The following ZNF648 variants were observed in gnomAD, a reference collection of about 807,000 sequenced individuals.
ZNF648 encodes the protein zinc finger protein 648.
A neutral mutation model predicts 0.3 loss-of-function variants in ZNF648; 1 was observed. The ratio of observed to expected loss-of-function variants is 3.90; its 90% confidence interval spans 1.39 to 18.51. The LOEUF (loss-of-function observed/expected upper bound fraction) is 18.51, where lower values mean the gene tolerates loss of function less well. Ranked by LOEUF, ZNF648 falls within the 30% of genes most tolerant of loss-of-function variation. The probability of loss-of-function intolerance (pLI) is 0.11; values close to 1 mark genes in which losing one functional copy is unlikely to be tolerated. For missense variants in ZNF648, 874 were observed against 769.7 expected (o/e 1.14, Z -1.60); for synonymous variants, 376 against 326.8 (o/e 1.15, Z -1.62).
At chr1:182,069,026 C>T in the ZNF648 span, 1 of 3,074 alleles carries the variant, frequency 3.3e-4, no homozygotes, top group Non-Finnish European at 9.1e-4. Context: ...AGGGGGCTCG[C>T]CACCGTCCAG....
chr1:182,065,663 C>A (rs1335397812), upstream of ZNF648, among the ~76,000 whole-genome samples: 1 of 152,140 alleles, frequency 6.6e-6, no homozygotes, highest in Non-Finnish European at 1.5e-5. Context: ...GTACACAAGC[C>A]CCTTATCTCC....
chr1:182,059,745 A>G (rs1157194165), intron 1 of ZNF648, among the ~76,000 whole-genome samples: 2 of 150,464 alleles, frequency 1.3e-5, no homozygotes, highest in East Asian at 3.9e-4. Context: ...CGGAGCTTGC[A>G]GTGAGCTGAG....
rs1665904560 is a variant in ZNF648, at chr1:182,056,307, C to T, written c.1704G>A (p.Glu568=). The change falls in exon 2 of 2, where the codon GAG becomes GAA. Residue 568 remains glutamate (E), a synonymous_variant. Transcript: ENST00000339948. ...AGTGAGGTCGACGATGCTATCTTCA[C>T]TCGTCAGAGGAGGAAGGGATGGGCT... The part of the protein sequence containing the change: ...KKEPIPSSSD[E] The T allele has an allele frequency of 6.2e-7, 1 of 1,606,502 alleles. No individual in the cohort carries two copies. The highest frequency in any genetic ancestry group is 1.1e-5 in the South Asian group (1 of 90,082).
upstream of ZNF648, chr1:182,062,724 A>T (rs1462206098): frequency 2.0e-5 from 3 of 152,194 alleles, no homozygotes; most frequent in African/African-American, 7.2e-5. Context: ...AAGTTCCGGG[A>T]TACATGTGCA....
At position 182,056,515 on chromosome 1, in the gene ZNF648, G is replaced by A. The variant is rs199700104; in HGVS notation, c.1496C>T (p.Ser499Phe). Reference protein sequence around the residue: ...STLKRHQQIHSGEKGFLCAEC... With the variant: ...STLKRHQQIHFGEKGFLCAEC... ...GGCACAGAGGAATCCCTTCTCCCCG[G>A]AGTGGATCTGTTGGTGCCGCTTCAG... The change falls in exon 2 of 2, where the codon TCC (serine) becomes TTC (phenylalanine). Residue 499 changes from serine (S) to phenylalanine (F), a missense_variant. Ser to Phe is a radical substitution (Grantham distance 155). Coordinates refer to ENST00000339948, the MANE Select transcript of ZNF648 (RefSeq NM_001009992.1). 3.1e-6 allele frequency: 5 copies of A among 1,613,978 alleles called. No individual in the cohort carries two copies. Among genetic ancestry groups the A allele is most frequent in the Non-Finnish European group, 4.2e-6 (5 of 1,179,948 alleles).
At chr1:182,060,377 C>G (rs1052771766) in intron 1 of ZNF648, among the ~76,000 whole-genome samples, 2 of 152,214 alleles carry the variant, frequency 1.3e-5, no homozygotes, top group Non-Finnish European at 2.9e-5. Context: ...ACCCTATCCC[C>G]ATCTCATTAA....
At chr1:182,059,803 C>A (rs75669406) in intron 1 of ZNF648, among the ~76,000 whole-genome samples, 271 of 136,722 alleles carry the variant, frequency 2.0e-3, no homozygotes, top group Admixed American at 2.3e-3. Context: ...GACTACATCT[C>A]AAAAAAAAAA....
chr1:182,066,599 A>C (rs1305255539), upstream of ZNF648, among the ~76,000 whole-genome samples: 2 of 152,232 alleles, frequency 1.3e-5, no homozygotes, highest in African/African-American at 2.4e-5. Flanking sequence ...ACAGGAACTC[A>C]GTACACAACC....
At position 182,061,708 on chromosome 1, in the gene ZNF648, CAG is replaced by C. The variant is rs1205924406; in HGVS notation, c.-206_-205del. 1 of 152,416 alleles carries C rather than the reference CAG, an allele frequency of 6.6e-6. No homozygotes were observed. Among genetic ancestry groups the C allele is most frequent in the African/African-American group, 2.4e-5 (1 of 41,470 alleles). 9.4% of individuals were successfully genotyped at this position (152,416 alleles called of 1,614,324 possible). On this transcript the variant is annotated 5_prime_UTR_variant, in exon 1 of 2. Transcript: ENST00000339948. Reference sequence around the variant, plus strand: ...CGCTTTGTGTCCAGTCCAGCGGCTGCAGAGAGAGCCTCTGGAGGTGGGGCCAG... The same window carrying C: ...CGCTTTGTGTCCAGTCCAGCGGCTGCAGAGAGCCTCTGGAGGTGGGGCCAG...
Position 182,056,441 on chromosome 1 carries a change from G to T in ZNF648, c.1570C>A (p.Arg524=), listed in dbSNP as rs770806968. 4 of 1,613,920 alleles carry T rather than the reference G, an allele frequency of 2.5e-6. No individual in the cohort carries two copies. In the Admixed American group the frequency reaches 6.7e-5, roughly 27 times the overall value. Reference sequence around the variant, plus strand: ...TAGGGCCTCTCTCCGTTGTGCATTCGTATGTGCTGGGCCAACTCAGAGGCA... The same window carrying T: ...TAGGGCCTCTCTCCGTTGTGCATTCTTATGTGCTGGGCCAACTCAGAGGCA... ...RIASELAQHI[R]MHNGERPYQC... Residue 524 remains arginine, a synonymous_variant, in exon 2 of 2, where the codon CGA becomes AGA. Coordinates refer to ENST00000339948, the MANE Select transcript of ZNF648 (RefSeq NM_001009992.1).
chr1:182,067,708 G>C, the ZNF648 span, among the ~76,000 whole-genome samples: 1 of 152,342 alleles, frequency 6.6e-6, no homozygotes. Flanking sequence ...AGATGACCCT[G>C]GAAGCCTCTG....
At chr1:182,067,734 G>A in the ZNF648 span, among the ~76,000 whole-genome samples, 17 of 152,232 alleles carry the variant, frequency 1.1e-4, no homozygotes, top group Non-Finnish European at 1.6e-4. Context: ...GGCCGAGGGA[G>A]CATAAGCTGC....
upstream of ZNF648, chr1:182,064,488 T>C (rs2101923508): frequency 6.6e-6 from 1 of 152,196 alleles, no homozygotes; most frequent in East Asian, 1.9e-4. Flanking sequence ...TAAGGCATGG[T>C]TTCAGAGGAA....
At position 182,057,661 on chromosome 1, in the gene ZNF648, G is replaced by A. The variant is rs768409347; in HGVS notation, c.350C>T (p.Pro117Leu). Reference sequence around the variant, plus strand: ...GGAACCCAGAGCTCTGCTTGCTCCCGGGGAACCCTGGGTCTCGTTGATCTT... The same window carrying A: ...GGAACCCAGAGCTCTGCTTGCTCCCAGGGAACCCTGGGTCTCGTTGATCTT... ...VTKINETQGSPGASRALGSLP... is the reference protein window; with the variant it reads ...VTKINETQGSLGASRALGSLP... Residue 117 changes from proline to leucine, a missense_variant, in exon 2 of 2, where the codon CCG (proline) becomes CTG (leucine). Transcript: ENST00000339948. 1.2e-6 allele frequency: 2 copies of A among 1,614,168 alleles called. No individual in the cohort carries two copies. The highest frequency in any genetic ancestry group is 1.1e-5 in the South Asian group (1 of 91,082).
upstream of ZNF648, among the ~76,000 whole-genome samples, chr1:182,065,800 C>T (rs562610372): frequency 3.3e-5 from 5 of 152,332 alleles, no homozygotes; most frequent in Admixed American, 3.3e-4. Context: ...CAGATCAGGC[C>T]TCAGATCTGA....
chr1:182,056,751 G>A lies in ZNF648; in HGVS notation c.1260C>T (p.Phe420=), dbSNP rs761432588. 1 of 1,572,090 alleles carries A rather than the reference G, an allele frequency of 6.4e-7. No individual in the cohort carries two copies. The highest frequency in any genetic ancestry group is 8.6e-7 in the Non-Finnish European group (1 of 1,158,892). ...AGCACTTGCCGCAGGTGGGGCAGGG[G>A]AAGGGCCGCTCGCCCGAGTGCACGC... ...HQRVHSGERP[F]PCPTCGKCFT... The change falls in exon 2 of 2, where the codon TTC becomes TTT. Residue 420 remains phenylalanine (F), a synonymous_variant. Transcript: ENST00000339948.
rs1665970299 is a variant in ZNF648, at chr1:182,058,044, A to T, written c.-34T>A. 6.4e-7 allele frequency: 1 copy of T among 1,556,590 alleles called. No individual in the cohort carries two copies. The highest frequency in any genetic ancestry group is 1.4e-5 in the African/African-American group (1 of 72,794). On this transcript the variant is annotated 5_prime_UTR_variant, in exon 2 of 2. Coordinates refer to ENST00000339948, the MANE Select transcript of ZNF648 (RefSeq NM_001009992.1). ...GGCGCTTCTATTGCCTACTCCTCTGAGGAGGAGTATCCTGCTTGGCTCAGG... is the reference window on the plus strand; with the variant it reads ...GGCGCTTCTATTGCCTACTCCTCTGTGGAGGAGTATCCTGCTTGGCTCAGG...
Position 182,056,129 on chromosome 1 carries a change from C to T in ZNF648, c.*175G>A, listed in dbSNP as rs1436853528. 2 of 850,602 alleles carry T rather than the reference C, an allele frequency of 2.4e-6. No homozygotes were observed. The highest frequency in any genetic ancestry group is 3.4e-5 in the African/African-American group (2 of 58,378). The allele number at this position is 850,602 out of a possible 1,614,324, so 52.7% of individuals were successfully genotyped here. ...TCAGAACCACTGATGTGAAACCACCCACCTGGGTGCTCTCTCGGTGGTGAC... is the reference window on the plus strand; with the variant it reads ...TCAGAACCACTGATGTGAAACCACCTACCTGGGTGCTCTCTCGGTGGTGAC... On this transcript the variant is annotated 3_prime_UTR_variant, in exon 2 of 2. Transcript: ENST00000339948.
chr1:182,062,928 G>A (rs964695156), upstream of ZNF648: 2 of 152,066 alleles, frequency 1.3e-5, no homozygotes, highest in East Asian at 1.9e-4. Flanking sequence ...TCACTGTTCA[G>A]CTCCCATTTA....
Sources: allele counts gnomAD v4.1 joint callset (sites outside exome capture counted in the v4.1 genomes callset), GRCh38; gene constraint gnomAD v4.1.1; transcripts MANE v1.5; gene names NCBI Gene and HGNC (gene_info 2026-07-23, HGNC 2026-07-21).